MACROH2A1: variants seen among roughly 807,000 people sequenced by gnomAD.
MACROH2A1 encodes the protein core histone macro-H2A.1.
Under a neutral mutation model 31.6 loss-of-function variants are expected in MACROH2A1, and 2 were observed. That is an observed-to-expected ratio of 0.06 (90% CI 0.03 to 0.20). MACROH2A1 has a LOEUF of 0.20. Among genes scored for constraint, MACROH2A1 ranks in the 10% least tolerant of loss-of-function variants. The pLI is 1.00. For missense variants in MACROH2A1, 230 were observed against 474.0 expected (o/e 0.49, Z 4.78); for synonymous variants, 169 against 189.6 (o/e 0.89, Z 0.89).
intron 4 of MACROH2A1, among the ~76,000 whole-genome samples, chr5:135,368,008 G>A (rs1057272775): frequency 6.6e-6 from 1 of 152,212 alleles, no homozygotes; most frequent in Admixed American, 6.5e-5. Context: ...TCCAGGACTT[G>A]TGAGCTAGAT....
At chr5:135,338,141 C>CTGTCTGGAGGCTG in intron 8 of MACROH2A1, 1 of 329,646 alleles carries the variant, frequency 3.0e-6, no homozygotes, top group Non-Finnish European at 4.5e-6. Flanking sequence ...CCTGCAGCCT[C>CTGTCTGGAGGCTG]CAGACAGAGG....
chr5:135,361,075 C>A (rs1762785620), intron 4 of MACROH2A1: 1 of 283,224 alleles, frequency 3.5e-6, no homozygotes, highest in South Asian at 3.2e-5. Flanking sequence ...CTCGCTTCCA[C>A]CCTTCCTTCC....
chr5:135,376,289 C>T (rs903045431), intron 2 of MACROH2A1, among the ~76,000 whole-genome samples: 1 of 152,178 alleles, frequency 6.6e-6, no homozygotes, highest in African/African-American at 2.4e-5. Flanking sequence ...GCATTTGGTC[C>T]AGTCTTCTGC....
intron 4 of MACROH2A1, among the ~76,000 whole-genome samples, chr5:135,367,531 T>C (rs1353845296): frequency 6.6e-6 from 1 of 152,194 alleles, no homozygotes; most frequent in Non-Finnish European, 1.5e-5. Context: ...GTTTACTAAA[T>C]TGGAAAGTTC....
intron 1 of MACROH2A1, among the ~76,000 whole-genome samples, chr5:135,393,404 C>T (rs559555872): frequency 6.6e-6 from 1 of 152,334 alleles, no homozygotes; most frequent in South Asian, 2.1e-4. Flanking sequence ...CAGCCAGTCT[C>T]TGTCACATGA....
intron 4 of MACROH2A1, among the ~76,000 whole-genome samples, chr5:135,364,425 TA>T (rs199709714): frequency 5.1e-4 from 76 of 149,534 alleles, no homozygotes; most frequent in Non-Finnish European, 7.4e-4. Flanking sequence ...TAAAGTATAA[TA>T]AAAAAAAATG....
chr5:135,349,117 G>T (rs1056175780), intron 6 of MACROH2A1, among the ~76,000 whole-genome samples: 10 of 152,174 alleles, frequency 6.6e-5, no homozygotes, highest in Admixed American at 6.5e-5. Flanking sequence ...GCCTTCCTCA[G>T]GCTGCAGCAG....
chr5:135,343,447 G>A lies in MACROH2A1; in HGVS notation c.779-13C>T. On this transcript the variant is annotated splice_polypyrimidine_tract_variant and intron_variant, in intron 7 of 8. Transcript: ENST00000511689. ...GCGCTGACAGCAGCTAGTGGTGCGG[G>A]GATGAAACAGAAACAGTGAGCTCTG... The A allele has an allele frequency of 6.2e-7, 1 of 1,612,476 alleles. No individual in the cohort carries two copies. The highest frequency in any genetic ancestry group is 8.5e-7 in the Non-Finnish European group (1 of 1,178,942).
intron 6 of MACROH2A1, chr5:135,351,037 G>T: frequency 1.5e-6 from 1 of 656,102 alleles, no homozygotes; most frequent in Non-Finnish European, 2.8e-6. Context: ...AGCCCAAGGG[G>T]CAATCAGTCC....
At chr5:135,376,652 C>T (rs922011477) in intron 2 of MACROH2A1, among the ~76,000 whole-genome samples, 7 of 152,210 alleles carry the variant, frequency 4.6e-5, no homozygotes, top group African/African-American at 1.7e-4. Context: ...TGGATCCCAG[C>T]TCCTGTAATT....
intron 2 of MACROH2A1, among the ~76,000 whole-genome samples, chr5:135,380,718 C>T (rs1765548963): frequency 6.6e-6 from 1 of 152,188 alleles, no homozygotes; most frequent in Admixed American, 6.5e-5. Flanking sequence ...AAGACAGCCT[C>T]TGCATACTAC....
chr5:135,344,782 A>G (rs1442580756), intron 7 of MACROH2A1: 1 of 152,264 alleles, frequency 6.6e-6, no homozygotes, highest in Non-Finnish European at 1.5e-5. Flanking sequence ...TTATTGAAAC[A>G]AGCAAAAATA....
At chr5:135,395,056 A>G (rs1767779746) in intron 1 of MACROH2A1, among the ~76,000 whole-genome samples, 1 of 152,154 alleles carries the variant, frequency 6.6e-6, no homozygotes, top group African/African-American at 2.4e-5. Context: ...TACCTTGGGG[A>G]TTCTCAGGAA....
intron 5 of MACROH2A1, chr5:135,360,157 C>T (rs1367171502): frequency 6.2e-6 from 2 of 320,996 alleles, no homozygotes; most frequent in Non-Finnish European, 1.2e-5. Context: ...GGCTTGACTT[C>T]TGCCTGATTC....
rs1258635947 is a variant in MACROH2A1 at position 135,389,135 on chromosome 5, G to T, written c.-33-9C>A. 5 of 1,587,278 alleles carry T rather than the reference G, an allele frequency of 3.2e-6. No homozygotes were observed. The African/African-American group carries it at 5.4e-5, about 17-fold the overall frequency. On this transcript the variant is annotated splice_polypyrimidine_tract_variant and intron_variant, in intron 1 of 8. Transcript: ENST00000511689. ...GCGGATCAGTGAGCACACTGTGAAG[G>T]CGAGAGGCACACCGGTCAGGGTGGC...
intron 2 of MACROH2A1, among the ~76,000 whole-genome samples, chr5:135,388,655 A>G (rs1277734262): frequency 6.6e-6 from 1 of 152,228 alleles, no homozygotes; most frequent in Non-Finnish European, 1.5e-5. Context: ...GGAAATTTCA[A>G]AATGGACTAT....
intron 7 of MACROH2A1, chr5:135,343,764 G>A (rs946130237): frequency 6.8e-5 from 22 of 322,040 alleles, no homozygotes; most frequent in Non-Finnish European, 1.1e-4. Flanking sequence ...CAAACTCAAC[G>A]TGTCAGAACA....
At chr5:135,388,081 G>A (rs1260599623) in intron 2 of MACROH2A1, among the ~76,000 whole-genome samples, 1 of 147,694 alleles carries the variant, frequency 6.8e-6, no homozygotes, top group Non-Finnish European at 1.5e-5. Flanking sequence ...GAAGGGCACA[G>A]GGAAAGGTTT....
At chr5:135,341,117 C>T (rs1306727507) in intron 8 of MACROH2A1, among the ~76,000 whole-genome samples, 1 of 152,234 alleles carries the variant, frequency 6.6e-6, no homozygotes, top group Non-Finnish European at 1.5e-5. Context: ...CCTCCCTCTG[C>T]GGAAGCACCT....
Sources: allele counts gnomAD v4.1 joint callset (sites outside exome capture counted in the v4.1 genomes callset), GRCh38; gene constraint gnomAD v4.1.1; transcripts MANE v1.5; gene names NCBI Gene and HGNC (gene_info 2026-07-23, HGNC 2026-07-21).